Variants in AUTS2 observed in about 807,000 individuals in gnomAD.
AUTS2 encodes activator of transcription and developmental regulator AUTS2.
A neutral mutation model predicts 112.4 loss-of-function variants in AUTS2; 17 were observed. That is an observed-to-expected ratio of 0.15 (90% CI 0.10 to 0.23). AUTS2 has a LOEUF of 0.23. AUTS2 is among the 10% of genes least tolerant of loss of function. AUTS2 has a pLI of 1.00. For missense variants in AUTS2, 1,510 were observed against 1,701.6 expected (o/e 0.89, Z 1.98); for synonymous variants, 751 against 702.7 (o/e 1.07, Z -1.09).
intron 2 of AUTS2, among the ~76,000 whole-genome samples, chr7:70,058,286 C>T (rs1330170675): frequency 2.6e-5 from 4 of 152,124 alleles, no homozygotes; most frequent in Non-Finnish European, 5.9e-5. Flanking sequence ...TTGGCTTTGT[C>T]CTATACATGT....
chr7:70,375,002 C>T (rs1170020401), intron 4 of AUTS2, among the ~76,000 whole-genome samples: 2 of 152,142 alleles, frequency 1.3e-5, no homozygotes, highest in African/African-American at 4.8e-5. Flanking sequence ...CCATTACCTG[C>T]TCCTCCTAGG....
chr7:69,739,838 G>A (rs926420109), intron 1 of AUTS2, among the ~76,000 whole-genome samples: 4 of 152,180 alleles, frequency 2.6e-5, no homozygotes, highest in African/African-American at 9.7e-5. Context: ...TGTCGTCGGT[G>A]TATAGAATGG....
At chr7:70,210,112 C>T (rs983276237) in intron 4 of AUTS2, among the ~76,000 whole-genome samples, 2 of 152,166 alleles carry the variant, frequency 1.3e-5, no homozygotes, top group Admixed American at 1.3e-4. Flanking sequence ...TAGTCATTTG[C>T]TGGGGACCTT....
chr7:70,155,161 G>A (rs1159149784), intron 4 of AUTS2, among the ~76,000 whole-genome samples: 1 of 152,146 alleles, frequency 6.6e-6, no homozygotes, highest in Non-Finnish European at 1.5e-5. Context: ...CTCATTTAGA[G>A]TGGTCTCATT....
chr7:69,861,866 C>T (rs755951930), intron 1 of AUTS2, among the ~76,000 whole-genome samples: 2 of 152,134 alleles, frequency 1.3e-5, no homozygotes, highest in Non-Finnish European at 2.9e-5. Context: ...CAGAAGATGG[C>T]AGGATAACTT....
At chr7:69,630,037 C>T (rs1794154345) in intron 1 of AUTS2, among the ~76,000 whole-genome samples, 4 of 151,972 alleles carry the variant, frequency 2.6e-5, no homozygotes, top group Non-Finnish European at 5.9e-5. Flanking sequence ...GGTGGATCAC[C>T]TGAGGTCAGG....
At chr7:69,952,234 AT>A (rs1478436533) in intron 2 of AUTS2, among the ~76,000 whole-genome samples, 1 of 152,154 alleles carries the variant, frequency 6.6e-6, no homozygotes, top group Non-Finnish European at 1.5e-5. Flanking sequence ...TTGTGTACCC[AT>A]ACTTTTTGTC....
chr7:69,842,508 A>G (rs1792025672), intron 1 of AUTS2, among the ~76,000 whole-genome samples: 2 of 152,202 alleles, frequency 1.3e-5, no homozygotes, highest in African/African-American at 4.8e-5. Flanking sequence ...GTAAGTGACT[A>G]AATTTTGATC....
chr7:69,755,919 T>G (rs540426135), intron 1 of AUTS2, among the ~76,000 whole-genome samples: 31 of 152,312 alleles, frequency 2.0e-4, no homozygotes, highest in African/African-American at 7.0e-4. Context: ...TGAATGATTT[T>G]ATAGTTTGCT....
At chr7:69,654,916 G>C (rs1795455075) in intron 1 of AUTS2, among the ~76,000 whole-genome samples, 1 of 152,126 alleles carries the variant, frequency 6.6e-6, no homozygotes, top group Non-Finnish European at 1.5e-5. Flanking sequence ...TCCTGACAAG[G>C]AAATAAGGCT....
At chr7:69,891,947 C>T (rs1329910541) in intron 1 of AUTS2, among the ~76,000 whole-genome samples, 1 of 150,348 alleles carries the variant, frequency 6.7e-6, no homozygotes, top group Non-Finnish European at 1.5e-5. Context: ...TGCATGCCAC[C>T]ATGCCCAGCT....
intron 4 of AUTS2, among the ~76,000 whole-genome samples, chr7:70,246,103 T>C (rs1197684504): frequency 1.3e-5 from 2 of 152,150 alleles, no homozygotes; most frequent in South Asian, 4.1e-4. Flanking sequence ...TTGATCACTA[T>C]TCCTTTGTGA....
At chr7:70,629,413 C>T (rs1396214537) in intron 5 of AUTS2, among the ~76,000 whole-genome samples, 2 of 151,848 alleles carry the variant, frequency 1.3e-5, no homozygotes, top group East Asian at 1.9e-4. Flanking sequence ...CCAAGGCTGC[C>T]GTGAGCTGAG....
chr7:70,782,202 G>T, intron 15 of AUTS2: 1 of 155,862 alleles, frequency 6.4e-6, no homozygotes, highest in Admixed American at 6.5e-5. Context: ...AAAGTCCTGA[G>T]GATAAAGAAA....
chr7:69,748,614 A>G (rs1024446340), intron 1 of AUTS2, among the ~76,000 whole-genome samples: 1 of 152,208 alleles, frequency 6.6e-6, no homozygotes, highest in African/African-American at 2.4e-5. Context: ...ACAGACAATT[A>G]TAAGGAACTC....
chr7:70,095,740 A>C (rs1804161746), intron 2 of AUTS2, among the ~76,000 whole-genome samples: 1 of 152,196 alleles, frequency 6.6e-6, no homozygotes, highest in Non-Finnish European at 1.5e-5. Flanking sequence ...GAGGGCTTCT[A>C]GATGCTGTAG....
At chr7:70,452,751 T>C (rs987470745) in intron 5 of AUTS2, among the ~76,000 whole-genome samples, 1 of 152,010 alleles carries the variant, frequency 6.6e-6, no homozygotes, top group Admixed American at 6.6e-5. Context: ...GGCAAGAGAA[T>C]CCGCAGGAAA....
chr7:70,674,300 T>C (rs1226467059), intron 5 of AUTS2, among the ~76,000 whole-genome samples: 1 of 152,196 alleles, frequency 6.6e-6, no homozygotes, highest in Non-Finnish European at 1.5e-5. Context: ...AAATTCTTCC[T>C]AGGGATGATG....
Position 70,162,307 on chromosome 7 carries a change from G to A in AUTS2, c.660+27736G>A, listed in dbSNP as rs1286712634. 8.0e-5 allele frequency among the ~76,000 whole-genome samples: 12 copies of A among 149,648 alleles called. No homozygotes were observed. In the South Asian group the frequency reaches 8.5e-4, roughly 11 times the overall value. The stretch of plus-strand genomic sequence containing the variant: ...TAAAAATACAAAAAATTAGCCGGGC[G>A]TAGTGGCGGGCGCCTGTAGTCCCAG... On this transcript the variant is annotated intron_variant, in intron 4 of 18. Coordinates refer to ENST00000342771, the MANE Select transcript of AUTS2 (RefSeq NM_015570.4).
Sources: gnomAD v4.1 joint callset for allele counts (sites outside exome capture counted in the v4.1 genomes callset) on GRCh38, gnomAD v4.1.1 for gene constraint, MANE v1.5 for transcripts, NCBI Gene and HGNC (gene_info 2026-07-23, HGNC 2026-07-21) for gene names.